CYRIB: variants seen among roughly 807,000 people sequenced by gnomAD.
CYRIB encodes CYFIP-related Rac1 interactor B.
Under a neutral mutation model 44.2 loss-of-function variants are expected in CYRIB, and 8 were observed. The observed-to-expected ratio is 0.18, with a 90% CI of 0.11 to 0.33. CYRIB has a LOEUF of 0.33. Among genes scored for constraint, CYRIB ranks in the 10% least tolerant of loss-of-function variants. The pLI is 1.00. For missense variants in CYRIB, 185 were observed against 382.8 expected, an observed-to-expected ratio of 0.48 and a Z score of 4.31; for synonymous variants, 131 against 127.2, an observed-to-expected ratio of 1.03 and a Z score of -0.20.
upstream of CYRIB, among the ~76,000 whole-genome samples, chr8:129,941,099 T>C (rs1416264375): frequency 6.6e-6 from 1 of 152,110 alleles, no homozygotes; most frequent in Admixed American, 6.6e-5. Flanking sequence ...GGTGGGCATA[T>C]TACTTAGAAA....
At chr8:129,888,507 C>A (rs1230350090) in intron 2 of CYRIB, among the ~76,000 whole-genome samples, 1 of 152,184 alleles carries the variant, frequency 6.6e-6, no homozygotes, top group Non-Finnish European at 1.5e-5. Flanking sequence ...GCGCATCTAA[C>A]CACAAAAGCC....
chr8:129,922,318 C>T (rs2084094503), intron 1 of CYRIB, among the ~76,000 whole-genome samples: 2 of 152,162 alleles, frequency 1.3e-5, no homozygotes, highest in Non-Finnish European at 2.9e-5. Context: ...GAATAGAAAA[C>T]TGTAATTTCC....
At chr8:129,843,266 GATT>G (rs765038291) in intron 11 of CYRIB, among the ~76,000 whole-genome samples, 6 of 152,234 alleles carry the variant, frequency 3.9e-5, no homozygotes, top group Non-Finnish European at 7.3e-5. Context: ...GGAGTTTGGA[GATT>G]ATTTTAAGTG....
rs74875304 is a variant in CYRIB at position 129,924,457 on chromosome 8, A to C, written c.-50+15151T>G. 8.2e-3 allele frequency among the ~76,000 whole-genome samples: 1,252 copies of C among 152,126 alleles called. 23 individuals are homozygous for C. Among genetic ancestry groups the C allele is most frequent in the African/African-American group, 0.029 (1,213 of 41,506 alleles). On this transcript the variant is annotated intron_variant, in intron 1 of 11. Coordinates refer to ENST00000519824, the Ensembl canonical transcript of CYRIB. ...GCCTCCATGAGCACATTCTTCGAAA[A>C]ATTCATTCTCATTAATTTTTTTATT...
upstream of CYRIB, chr8:129,939,836 G>A (rs1474759034): frequency 6.6e-6 from 1 of 152,410 alleles, no homozygotes; most frequent in Admixed American, 6.5e-5. Context: ...TAACGACGGG[G>A]AGGGGGAGGA....
chr8:129,849,207 C>T, intron 10 of CYRIB, 36 bp downstream of exon 12: 1 of 1,540,330 alleles, frequency 6.5e-7, no homozygotes, highest in Non-Finnish European at 8.7e-7. Context: ...CATGGAGAAA[C>T]TCGTTTGAAA....
At chr8:129,966,687 T>G (rs1461440065) in intron 2 of CYRIB, among the ~76,000 whole-genome samples, 1 of 151,974 alleles carries the variant, frequency 6.6e-6, no homozygotes, top group African/African-American at 2.4e-5. Flanking sequence ...AAAAATAAAT[T>G]TTACTTTATT....
intron 1 of CYRIB, among the ~76,000 whole-genome samples, chr8:129,986,593 A>G (rs2096462867): frequency 6.6e-6 from 1 of 152,144 alleles, no homozygotes; most frequent in Admixed American, 6.5e-5. Context: ...TAGAAGAGGA[A>G]GAGAGACCTG....
At position 130,011,157 on chromosome 8, in the gene CYRIB, C is replaced by T. The variant is rs565803164; in HGVS notation, c.-296+5213G>A. Among the ~76,000 whole-genome samples, 7 of 152,194 alleles carry T rather than the reference C, an allele frequency of 4.6e-5. No individual in the cohort carries two copies. In the South Asian group the frequency reaches 1.5e-3, roughly 32 times the overall value. On this transcript the variant is annotated intron_variant, in intron 1 of 14. Transcript: ENST00000401979. ...AGCAGAATCTGAAATGTGTGCTCCC[C>T]GGGGGGACTCCTGGCACACATTACT... is the stretch of plus-strand genomic sequence containing the variant.
chr8:129,928,159 G>T (rs1011885092), intron 1 of CYRIB, among the ~76,000 whole-genome samples: 1 of 151,566 alleles, frequency 6.6e-6, no homozygotes, highest in African/African-American at 2.4e-5. Flanking sequence ...TCTACCAAGT[G>T]AAAATGCTTA....
intron 6 of CYRIB, among the ~76,000 whole-genome samples, chr8:129,854,577 C>A (rs1470260930): frequency 1.3e-5 from 2 of 152,090 alleles, no homozygotes; most frequent in African/African-American, 4.8e-5. Flanking sequence ...CAGTTAATTT[C>A]AGGTAATGTA....
intron 3 of CYRIB, among the ~76,000 whole-genome samples, chr8:129,873,018 T>C (rs1307276339): frequency 2.0e-5 from 3 of 151,988 alleles, no homozygotes; most frequent in African/African-American, 7.2e-5. Context: ...ACCTGCCAAA[T>C]AGTCAAAAAT....
chr8:129,914,731 C>A (rs944878389), intron 1 of CYRIB, among the ~76,000 whole-genome samples: 2 of 152,268 alleles, frequency 1.3e-5, no homozygotes, highest in South Asian at 4.1e-4. Context: ...TATGTTTTGA[C>A]GAAAATTTCT....
chr8:129,897,986 G>C (rs944701690), intron 2 of CYRIB, among the ~76,000 whole-genome samples: 2 of 151,982 alleles, frequency 1.3e-5, no homozygotes, highest in African/African-American at 4.8e-5. Context: ...GGCTGGTCTT[G>C]AGCTCCTGAC....
intron 2 of CYRIB, among the ~76,000 whole-genome samples, chr8:129,900,168 C>T (rs1183485295): frequency 1.3e-5 from 2 of 152,060 alleles, no homozygotes; most frequent in African/African-American, 4.8e-5. Context: ...ACTAGAGCAA[C>T]CTGGTGACTT....
intron 1 of CYRIB, among the ~76,000 whole-genome samples, chr8:129,999,308 T>G (rs1041920665): frequency 6.6e-6 from 1 of 152,080 alleles, no homozygotes; most frequent in African/African-American, 2.4e-5. Flanking sequence ...CCAAACATGC[T>G]GAACTGCATC....
chr8:129,999,840 G>A (rs1186194029), intron 1 of CYRIB, among the ~76,000 whole-genome samples: 3 of 152,038 alleles, frequency 2.0e-5, no homozygotes, highest in Non-Finnish European at 4.4e-5. Flanking sequence ...TGTTGCCCAG[G>A]CTGCTCTGGA....
chr8:129,946,490 C>T (rs561874106), intron 2 of CYRIB, among the ~76,000 whole-genome samples: 4 of 152,142 alleles, frequency 2.6e-5, no homozygotes, highest in East Asian at 1.9e-4. Context: ...GGATATTTAA[C>T]GAAGAAAGGG....
At chr8:129,926,219 C>T (rs763969197) in intron 1 of CYRIB, among the ~76,000 whole-genome samples, 2 of 152,244 alleles carry the variant, frequency 1.3e-5, no homozygotes, top group Non-Finnish European at 2.9e-5. Context: ...CCTTACCACT[C>T]AGCCACGGTT....
Sources: allele counts gnomAD v4.1 joint callset (sites outside exome capture counted in the v4.1 genomes callset), GRCh38; gene constraint gnomAD v4.1.1; transcripts MANE v1.5; gene names NCBI Gene and HGNC (gene_info 2026-07-23, HGNC 2026-07-21).